LRP1B: variants seen among roughly 807,000 people sequenced by gnomAD.
LRP1B encodes the protein low-density lipoprotein receptor-related protein 1B.
A neutral mutation model predicts 556.6 loss-of-function variants in LRP1B; 217 were observed. That is an observed-to-expected ratio of 0.39 (90% confidence interval 0.35 to 0.44). The LOEUF (loss-of-function observed/expected upper bound fraction) is 0.44, where lower values mean the gene tolerates loss of function less well. LRP1B is among the 20% of genes least tolerant of loss of function. The pLI is 1.00. For missense variants in LRP1B, 5,053 were observed against 5,620.8 expected (o/e 0.90, Z 3.23); for synonymous variants, 2,047 against 1,865.8 (o/e 1.10, Z -2.50).
At chr2:140,720,321 G>A (rs1362161049) in intron 35 of LRP1B, among the ~76,000 whole-genome samples, 2 of 151,890 alleles carry the variant, frequency 1.3e-5, no homozygotes, top group African/African-American at 4.8e-5. Context: ...TATAATTACA[G>A]GATTGTAAAA....
intron 59 of LRP1B, among the ~76,000 whole-genome samples, chr2:140,478,520 C>T (rs994487923): frequency 6.6e-6 from 1 of 152,072 alleles, no homozygotes; most frequent in Non-Finnish European, 1.5e-5. Context: ...AAAGTGATAA[C>T]TGAGAATATA....
At chr2:141,774,225 G>A (rs555244753) in intron 2 of LRP1B, among the ~76,000 whole-genome samples, 6 of 152,272 alleles carry the variant, frequency 3.9e-5, no homozygotes, top group African/African-American at 1.2e-4. Flanking sequence ...ATAAATACCT[G>A]AGGCTGGGTA....
intron 1 of LRP1B, among the ~76,000 whole-genome samples, chr2:142,063,291 T>C (rs1704987664): frequency 6.6e-6 from 1 of 151,522 alleles, no homozygotes; most frequent in East Asian, 1.9e-4. Context: ...TTAATTGTTT[T>C]CTAGACAGAT....
chr2:142,029,241 A>G (rs1383203806), intron 1 of LRP1B, among the ~76,000 whole-genome samples: 1 of 151,930 alleles, frequency 6.6e-6, no homozygotes, highest in Admixed American at 6.6e-5. Context: ...ATATGGAGTT[A>G]CAAATTAAGA....
At chr2:140,483,864 C>A (rs1688357880) in intron 59 of LRP1B, among the ~76,000 whole-genome samples, 1 of 151,774 alleles carries the variant, frequency 6.6e-6, no homozygotes, top group African/African-American at 2.4e-5. Context: ...TGGTCTCGAA[C>A]TCCTGACCTC....
intron 7 of LRP1B, among the ~76,000 whole-genome samples, chr2:141,158,419 T>G (rs113191934): frequency 2.6e-5 from 4 of 152,274 alleles, no homozygotes; most frequent in African/African-American, 9.6e-5. Flanking sequence ...TGAAATTTGT[T>G]CTTTTATAGA....
In LRP1B at chr2:141,274,520, T is replaced by C. The variant is rs1194800233; in HGVS notation, c.344-19879A>G. 2.0e-5 allele frequency among the ~76,000 whole-genome samples: 3 copies of C among 152,140 alleles called. No individual in the cohort carries two copies. In the East Asian group the frequency reaches 5.8e-4, roughly 29 times the overall value. On this transcript the variant is annotated intron_variant, in intron 3 of 90. Coordinates refer to ENST00000389484, the MANE Select transcript of LRP1B (RefSeq NM_018557.3). ...GATAGACAAAGCAGTAGAGAAAAAG[T>C]AGAATGGTTGTTCCTAGTACTGGGG...
chr2:141,725,751 A>G (rs1372261920), intron 2 of LRP1B, among the ~76,000 whole-genome samples: 1 of 151,798 alleles, frequency 6.6e-6, no homozygotes, highest in Non-Finnish European at 1.5e-5. Flanking sequence ...ACGGGCTAAG[A>G]GGATGTAGCT....
chr2:141,677,826 G>C (rs980149768), intron 2 of LRP1B, among the ~76,000 whole-genome samples: 1 of 152,094 alleles, frequency 6.6e-6, no homozygotes, highest in Admixed American at 6.6e-5. Context: ...GGAAACATAA[G>C]CAAAATGGAA....
intron 3 of LRP1B, among the ~76,000 whole-genome samples, chr2:141,274,591 A>G (rs1685213231): frequency 6.6e-6 from 1 of 152,172 alleles, no homozygotes; most frequent in South Asian, 2.1e-4. Context: ...ATGCATGGCT[A>G]TTTTTGGCAT....
At chr2:140,867,384 A>T (rs1015425737) in intron 27 of LRP1B, among the ~76,000 whole-genome samples, 3 of 152,092 alleles carry the variant, frequency 2.0e-5, no homozygotes, top group South Asian at 2.1e-4. Flanking sequence ...GATGCCCCTA[A>T]ATATTTATAT....
chr2:140,979,740 AG>A (rs1422803319), intron 18 of LRP1B, among the ~76,000 whole-genome samples: 1 of 152,198 alleles, frequency 6.6e-6, no homozygotes, highest in Non-Finnish European at 1.5e-5. Flanking sequence ...ACCCCATGCA[AG>A]GATCACAAAA....
At chr2:140,598,493 T>A (rs1682528559) in intron 43 of LRP1B, 138 bp downstream of exon 43, 1 of 651,624 alleles carries the variant, frequency 1.5e-6, no homozygotes, top group African/African-American at 1.8e-5. Context: ...TGTGATAGAT[T>A]AGTTATTCAA....
chr2:141,382,646 C>T (rs1048104175), intron 3 of LRP1B, among the ~76,000 whole-genome samples: 4 of 152,218 alleles, frequency 2.6e-5, no homozygotes, highest in African/African-American at 9.6e-5. Flanking sequence ...AGGATCAGCT[C>T]TAGCCTCTCT....
chr2:140,242,073 T>G (rs1277862727), intron 87 of LRP1B, among the ~76,000 whole-genome samples: 6 of 150,994 alleles, frequency 4.0e-5, no homozygotes, highest in Admixed American at 2.0e-4. Flanking sequence ...CCCCTTTCCA[T>G]AGGAGAGCTA....
intron 59 of LRP1B, 53 bp from the exon 60 acceptor site, chr2:140,475,390 C>T (rs1394672177): frequency 4.4e-6 from 6 of 1,357,796 alleles, no homozygotes; most frequent in Non-Finnish European, 6.1e-6. Flanking sequence ...GGGAGCAAAA[C>T]AACAAACAAT....
chr2:141,198,862 C>T (rs1681874461), intron 6 of LRP1B, among the ~76,000 whole-genome samples: 1 of 152,160 alleles, frequency 6.6e-6, no homozygotes, highest in African/African-American at 2.4e-5. Flanking sequence ...TATCTTTCCC[C>T]AATTCACCAC....
chr2:142,016,822 A>C (rs541007961), intron 1 of LRP1B, among the ~76,000 whole-genome samples: 5 of 150,110 alleles, frequency 3.3e-5, no homozygotes, highest in Non-Finnish European at 7.4e-5. Flanking sequence ...AACTTAAAGT[A>C]TATATATATA....
chr2:141,925,562 G>T (rs1194896214), intron 1 of LRP1B, among the ~76,000 whole-genome samples: 1 of 152,186 alleles, frequency 6.6e-6, no homozygotes, highest in African/African-American at 2.4e-5. Flanking sequence ...GATTCTTACT[G>T]TCTAGGCCAG....
Sources: allele counts gnomAD v4.1 joint callset (sites outside exome capture counted in the v4.1 genomes callset), GRCh38; gene constraint gnomAD v4.1.1; transcripts MANE v1.5; gene names NCBI Gene and HGNC (gene_info 2026-07-23, HGNC 2026-07-21).